The following DIAPH3 variants were observed in gnomAD, a reference collection of about 807,000 sequenced individuals.
The protein encoded by DIAPH3 is diaphanous related formin 3, also known as protein diaphanous homolog 3.
A neutral mutation model predicts 144.3 loss-of-function variants in DIAPH3; 117 were observed. That is an observed-to-expected ratio of 0.81 (90% CI 0.70 to 0.95). The LOEUF (loss-of-function observed/expected upper bound fraction) is 0.95, where lower values mean the gene tolerates loss of function less well. DIAPH3 is among the 40% of genes least tolerant of loss of function. The pLI is 0.00. For synonymous variants in DIAPH3, 519 were observed against 488.9 expected, an observed-to-expected ratio of 1.06 and a Z score of -0.81; for missense variants, 1,421 against 1,412.7, an observed-to-expected ratio of 1.01 and a Z score of -0.09.
intron 27 of DIAPH3, among the ~76,000 whole-genome samples, chr13:59,699,068 TC>T (rs2033963959): frequency 6.6e-6 from 1 of 152,152 alleles, no homozygotes; most frequent in African/African-American, 2.4e-5. Context: ...GTTGAAAAGG[TC>T]CCTGGCTCTC....
Position 59,838,985 on chromosome 13 carries a change from C to T in DIAPH3, c.2862+339G>A, listed in dbSNP as rs1001586464. ...AATTAGCTGGGCATGGTGGTGCGTGCCTGTAGGCCCAGCTACTTGAGAGAC... is the reference window on the plus strand; with the variant it reads ...AATTAGCTGGGCATGGTGGTGCGTGTCTGTAGGCCCAGCTACTTGAGAGAC... On this transcript the variant is annotated intron_variant, in intron 23 of 27. Transcript: ENST00000400324. 3.6e-5 allele frequency: 9 copies of T among 248,376 alleles called. No homozygotes were observed. The South Asian group carries it at 3.9e-4, about 11-fold the overall frequency. The allele number at this position is 248,376 out of a possible 1,614,324, so 15.4% of individuals were successfully genotyped here. A position where few individuals can be genotyped will look rare whatever the true frequency, so the allele number is the denominator to read the frequency against.
chr13:59,866,505 A>C (rs2043933137), intron 21 of DIAPH3, among the ~76,000 whole-genome samples: 2 of 152,108 alleles, frequency 1.3e-5, no homozygotes, highest in Non-Finnish European at 2.9e-5. Flanking sequence ...TTAACCTGTT[A>C]ATTCTAGCCT....
chr13:59,730,838 A>G (rs1409740237), intron 27 of DIAPH3, among the ~76,000 whole-genome samples: 1 of 152,196 alleles, frequency 6.6e-6, no homozygotes, highest in Non-Finnish European at 1.5e-5. Flanking sequence ...TGCATGTGAA[A>G]TATTTAACAC....
chr13:59,861,219 C>T, intron 22 of DIAPH3, 188 bp downstream of exon 22: 3 of 1,486,098 alleles, frequency 2.0e-6, no homozygotes, highest in East Asian at 2.5e-5. Flanking sequence ...TCTAACTAAA[C>T]AAATTAAACT....
chr13:59,999,616 C>T (rs1361661724), intron 9 of DIAPH3, among the ~76,000 whole-genome samples: 1 of 152,136 alleles, frequency 6.6e-6, no homozygotes, highest in Non-Finnish European at 1.5e-5. Flanking sequence ...TTGAGCACAG[C>T]AAGTATACTA....
At chr13:59,720,423 ATT>A (rs997841615) in intron 27 of DIAPH3, among the ~76,000 whole-genome samples, 1 of 152,150 alleles carries the variant, frequency 6.6e-6, no homozygotes, top group African/African-American at 2.4e-5. Flanking sequence ...TTAAATGAAA[ATT>A]TTTTTATTTT....
chr13:59,883,092 G>A (rs2045192671), intron 20 of DIAPH3, among the ~76,000 whole-genome samples: 1 of 152,254 alleles, frequency 6.6e-6, no homozygotes, highest in Middle Eastern at 3.4e-3. Flanking sequence ...AAAAATCAAT[G>A]AACTAACAAG....
intron 7 of DIAPH3, among the ~76,000 whole-genome samples, chr13:60,011,000 T>C (rs2053215869): frequency 1.3e-5 from 2 of 151,658 alleles, no homozygotes; most frequent in African/African-American, 4.8e-5. Flanking sequence ...AGCTACTCGG[T>C]AGGCTGAGGC....
intron 25 of DIAPH3, among the ~76,000 whole-genome samples, chr13:59,778,033 A>G (rs1362051894): frequency 6.6e-6 from 1 of 152,214 alleles, no homozygotes; most frequent in African/African-American, 2.4e-5. Flanking sequence ...GTTCACTAGA[A>G]TAATCTCATT....
intron 3 of DIAPH3, among the ~76,000 whole-genome samples, chr13:60,096,113 C>T (rs10507647): frequency 0.063 from 9,636 of 152,056 alleles, 459 homozygotes; most frequent in East Asian, 0.29. Flanking sequence ...TAACATTATC[C>T]ACAAAGAATT....
intron 5 of DIAPH3, among the ~76,000 whole-genome samples, chr13:60,036,053 C>G (rs775356719): frequency 7.2e-5 from 11 of 152,186 alleles, no homozygotes; most frequent in Non-Finnish European, 1.2e-4. Context: ...AAAGCCCACT[C>G]CCTCCCTTAG....
At chr13:60,063,844 A>G (rs1489390491) in intron 4 of DIAPH3, among the ~76,000 whole-genome samples, 1 of 151,882 alleles carries the variant, frequency 6.6e-6, no homozygotes, top group East Asian at 1.9e-4. Flanking sequence ...CAGGATAATC[A>G]CTTGAACCCA....
At chr13:60,054,089 T>C (rs1023165326) in intron 4 of DIAPH3, among the ~76,000 whole-genome samples, 2 of 152,074 alleles carry the variant, frequency 1.3e-5, no homozygotes, top group East Asian at 3.8e-4. Flanking sequence ...AATGATACCT[T>C]ATTTCTCCCA....
chr13:59,703,443 G>A (rs1033472803), intron 27 of DIAPH3, among the ~76,000 whole-genome samples: 13 of 152,052 alleles, frequency 8.5e-5, no homozygotes, highest in African/African-American at 3.1e-4. Flanking sequence ...TCTATATACA[G>A]CATCTTTTTT....
intron 27 of DIAPH3, among the ~76,000 whole-genome samples, chr13:59,704,574 T>C (rs2034309213): frequency 6.6e-6 from 1 of 152,262 alleles, no homozygotes; most frequent in African/African-American, 2.4e-5. Flanking sequence ...AAGGATTGCA[T>C]GTATGATGGT....
At chr13:59,957,120 C>T (rs1254840617) in intron 17 of DIAPH3, among the ~76,000 whole-genome samples, 1 of 152,076 alleles carries the variant, frequency 6.6e-6, no homozygotes, top group African/African-American at 2.4e-5. Flanking sequence ...TGAGTTAATG[C>T]TGAAATGAGT....
chr13:59,669,546 A>G (rs1483441395), intron 27 of DIAPH3, among the ~76,000 whole-genome samples: 2 of 152,152 alleles, frequency 1.3e-5, no homozygotes, highest in African/African-American at 4.8e-5. Flanking sequence ...CTCCCCTCTG[A>G]GGACAGCCCT....
At chr13:60,070,612 C>G (rs1024034658) in intron 4 of DIAPH3, among the ~76,000 whole-genome samples, 1 of 152,112 alleles carries the variant, frequency 6.6e-6, no homozygotes, top group Non-Finnish European at 1.5e-5. Flanking sequence ...TCATTCCAAC[C>G]TTACCCCTTC....
intron 17 of DIAPH3, among the ~76,000 whole-genome samples, chr13:59,939,827 G>C (rs1452304222): frequency 7.9e-6 from 1 of 127,234 alleles, no homozygotes. Flanking sequence ...TCTACAGGGA[G>C]AATGAGGCGT....
Sources: allele counts gnomAD v4.1 joint callset (sites outside exome capture counted in the v4.1 genomes callset), GRCh38; gene constraint gnomAD v4.1.1; transcripts MANE v1.5; gene names NCBI Gene and HGNC (gene_info 2026-07-23, HGNC 2026-07-21).